The following KDM6A variants were observed in gnomAD, a reference collection of about 807,000 sequenced individuals.
KDM6A encodes the protein lysine demethylase 6A.
A neutral mutation model predicts 117.6 loss-of-function variants in KDM6A; 11 were observed. That is an observed-to-expected ratio of 0.09 (90% confidence interval 0.06 to 0.15). KDM6A has a LOEUF of 0.15. Ranked by LOEUF, KDM6A falls within the 10% of genes least tolerant of loss-of-function variation. The pLI is 1.00. For missense variants in KDM6A, 799 were observed against 1,077.3 expected, an observed-to-expected ratio of 0.74 and a Z score of 3.62; for synonymous variants, 384 against 396.1, an observed-to-expected ratio of 0.97 and a Z score of 0.36.
chrX:45,067,752 A>G (rs2044604524), intron 17 of KDM6A, among the ~76,000 whole-genome samples: 1 of 104,544 alleles, frequency 9.6e-6, no homozygotes, highest in African/African-American at 3.6e-5. Context: ...TCCTAGGTTC[A>G]AGTGATTCTC....
chrX:45,061,450 T>C, intron 15 of KDM6A, 31 bp downstream of exon 15: 2 of 772,672 alleles, frequency 2.6e-6, no homozygotes, highest in Non-Finnish European at 3.9e-6. Flanking sequence ...AAATTGTTTA[T>C]TAAAAAGGAG....
At chrX:44,911,085 C>T (rs1450154990) in intron 2 of KDM6A, among the ~76,000 whole-genome samples, 11 of 86,316 alleles carry the variant, frequency 1.3e-4, no homozygotes, top group Non-Finnish European at 1.9e-4. Flanking sequence ...TGGGCAGAGG[C>T]GCCCCCACCT....
At chrX:44,997,089 A>G in intron 4 of KDM6A, among the ~76,000 whole-genome samples, 1 of 111,477 alleles carries the variant, frequency 9.0e-6, no homozygotes. Flanking sequence ...CTGAATCCCC[A>G]GTGGGCATGT....
At chrX:44,916,192 CTG>C (rs888847493) in intron 2 of KDM6A, among the ~76,000 whole-genome samples, 1 of 110,980 alleles carries the variant, frequency 9.0e-6, no homozygotes, top group African/African-American at 3.3e-5. Flanking sequence ...AACATTTCCT[CTG>C]TGAATAAGGG....
At chrX:44,883,188 C>T (rs2032480908) in intron 2 of KDM6A, among the ~76,000 whole-genome samples, 1 of 109,091 alleles carries the variant, frequency 9.2e-6, no homozygotes, top group Non-Finnish European at 1.9e-5. Context: ...CCTGTCTCAG[C>T]CTCTTGAGTA....
rs779577318 is a variant in KDM6A at position 44,979,219 on chromosome X, C to G, written c.384+4504C>G. On this transcript the variant is annotated intron_variant, in intron 4 of 29. Transcript: ENST00000611820. Reference sequence around the variant, plus strand: ...TTCAGATGTTCCATATCTTCGTTAGCACTTGGTATTGTCAGTCTTTTTAAC... The same window carrying G: ...TTCAGATGTTCCATATCTTCGTTAGGACTTGGTATTGTCAGTCTTTTTAAC... Among the ~76,000 whole-genome samples, 38 of 112,191 alleles carry G rather than the reference C, an allele frequency of 3.4e-4. 1 individual carries two copies. Among genetic ancestry groups the G allele is most frequent in the Non-Finnish European group, 6.2e-4 (33 of 53,238 alleles).
chrX:45,090,841 T>C lies in KDM6A; in HGVS notation c.4011T>C (p.Asp1337=), dbSNP rs143838113. Residue 1337 remains aspartate (D), a synonymous_variant, in exon 27 of 30, where the codon GAT becomes GAC. Transcript: ENST00000611820. ...TGGCACGAAATATCAAGGTCTCAGATCCAAAGCTTTTTGAAATGATTAAGT... is the reference window on the plus strand; with the variant it reads ...TGGCACGAAATATCAAGGTCTCAGACCCAAAGCTTTTTGAAATGATTAAGT... The part of the protein sequence containing the change: ...WNMARNIKVS[D]PKLFEMIKYC... 15 of 1,208,389 alleles carry C rather than the reference T, an allele frequency of 1.2e-5. No individual in the cohort carries two copies. In the African/African-American group the frequency reaches 2.5e-4, roughly 20 times the overall value.
In KDM6A at chrX:45,003,893, C is replaced by T. The variant is rs187280877; in HGVS notation, c.385-7068C>T. On this transcript the variant is annotated intron_variant, in intron 4 of 29. Transcript: ENST00000611820. ...CTCTCTCTCTCTTCTCCCCCTTCTC[C>T]CCCTTCCACCCCCTCTTCCACCCCC... Among the ~76,000 whole-genome samples, 373 of 93,161 alleles carry T rather than the reference C, an allele frequency of 4.0e-3. 9 individuals are homozygous for T. The highest frequency in any genetic ancestry group is 0.013 in the African/African-American group (317 of 25,117). The allele number at this position is 93,161 out of a possible 115,157, so 80.9% of individuals were successfully genotyped here. A position where few individuals can be genotyped will look rare whatever the true frequency, so the allele number is the denominator to read the frequency against.
In KDM6A at chrX:45,060,284, A is replaced by G. The variant is rs780395433; in HGVS notation, c.1329+128A>G. The G allele has an allele frequency of 1.6e-5, 17 of 1,051,341 alleles. No homozygotes were observed. In the East Asian group the frequency reaches 3.3e-4, roughly 20 times the overall value. The allele number at this position is 1,051,341 out of a possible 1,213,427, so 86.6% of individuals were successfully genotyped here. ...TGAAAAGCCTTTTGATTTAATTGCA[A>G]AGGGAATCTAGATCAAAATAAAATT... On this transcript the variant is annotated intron_variant, in intron 13 of 29. Transcript: ENST00000611820.
intron 2 of KDM6A, among the ~76,000 whole-genome samples, chrX:44,879,168 C>A (rs936087587): frequency 5.3e-5 from 6 of 112,176 alleles, no homozygotes; most frequent in Non-Finnish European, 3.8e-5. Context: ...AATTATGTAA[C>A]ATTTAGTTTT....
chrX:45,095,011 C>G (rs934228035), intron 27 of KDM6A, among the ~76,000 whole-genome samples: 8 of 110,645 alleles, frequency 7.2e-5, no homozygotes, highest in Non-Finnish European at 1.3e-4. Flanking sequence ...ATTTAGGTTT[C>G]GTAAAGGTGT....
intron 5 of KDM6A, among the ~76,000 whole-genome samples, chrX:45,012,928 T>C (rs887823821): frequency 2.7e-5 from 3 of 112,068 alleles, no homozygotes; most frequent in Admixed American, 1.9e-4. Context: ...AATTTTATTC[T>C]CTATTAAATT....
intron 2 of KDM6A, among the ~76,000 whole-genome samples, chrX:44,920,139 AT>A (rs1279167329): frequency 8.9e-6 from 1 of 112,423 alleles, no homozygotes; most frequent in South Asian, 3.6e-4. Flanking sequence ...TCCTGCAAAA[AT>A]AGCAGTTAGT....
At chrX:45,054,306 T>G (rs1238367535) in intron 10 of KDM6A, among the ~76,000 whole-genome samples, 1 of 112,002 alleles carries the variant, frequency 8.9e-6, no homozygotes, top group Non-Finnish European at 1.9e-5. Flanking sequence ...ATGTCTGTTT[T>G]ATAAAACAGA....
intron 2 of KDM6A, among the ~76,000 whole-genome samples, chrX:44,895,694 A>G (rs770891078): frequency 6.4e-5 from 7 of 109,006 alleles, no homozygotes; most frequent in Non-Finnish European, 1.1e-4. Flanking sequence ...TTGTATTTGT[A>G]TTTTCATTTT....
At chrX:44,984,893 G>A (rs1484933061) in intron 4 of KDM6A, among the ~76,000 whole-genome samples, 5 of 111,114 alleles carry the variant, frequency 4.5e-5, no homozygotes, top group South Asian at 3.8e-4. Flanking sequence ...TTGGCAACGC[G>A]GGCTCTTTTT....
chrX:45,006,231 A>T lies in KDM6A; in HGVS notation c.385-4730A>T, dbSNP rs2041479631. Among the ~76,000 whole-genome samples, 3 of 89,337 alleles carry T rather than the reference A, an allele frequency of 3.4e-5. No individual in the cohort carries two copies. In the South Asian group the frequency reaches 2.0e-3, roughly 59 times the overall value. The allele number at this position is 89,337 out of a possible 115,157, so 77.6% of individuals were successfully genotyped here. On this transcript the variant is annotated intron_variant, in intron 4 of 29. Coordinates refer to ENST00000611820, the MANE Select transcript of KDM6A (RefSeq NM_001291415.2). ...CGCACTGGGTGAGTTCTGATTTCTC[A>T]CCCCTGAGGTGACCACAAGGGGCAG... is the stretch of plus-strand genomic sequence containing the variant.
chrX:45,006,558 T>C (rs1004036773), intron 4 of KDM6A, among the ~76,000 whole-genome samples: 1 of 110,082 alleles, frequency 9.1e-6, no homozygotes, highest in African/African-American at 3.3e-5. Context: ...CAGGCTAAAC[T>C]AATTCCAATT....
intron 2 of KDM6A, among the ~76,000 whole-genome samples, chrX:44,877,877 G>C (rs2031847158): frequency 9.0e-6 from 1 of 111,354 alleles, no homozygotes; most frequent in African/African-American, 3.3e-5. Context: ...CATTAAAACA[G>C]TTGGTGTTTT....
Sources: gnomAD v4.1 joint callset for allele counts (sites outside exome capture counted in the v4.1 genomes callset) on GRCh38, gnomAD v4.1.1 for gene constraint, MANE v1.5 for transcripts, NCBI Gene and HGNC (gene_info 2026-07-23, HGNC 2026-07-21) for gene names.